PLEKHA8: variants seen among roughly 807,000 people sequenced by gnomAD.
PLEKHA8 encodes the protein pleckstrin homology domain containing A8, also known as pleckstrin homology domain-containing family A member 8.
A neutral mutation model predicts 68.2 loss-of-function variants in PLEKHA8; 36 were observed. The observed-to-expected ratio is 0.53, with a 90% CI of 0.40 to 0.70. The LOEUF is 0.70. Among genes scored for constraint, PLEKHA8 ranks in the 30% least tolerant of loss-of-function variants. The pLI, the probability that PLEKHA8 is intolerant of heterozygous loss-of-function variation, is 0.00. For missense variants in PLEKHA8, 505 were observed against 615.4 expected, an observed-to-expected ratio of 0.82 and a Z score of 1.90; for synonymous variants, 211 against 216.1, an observed-to-expected ratio of 0.98 and a Z score of 0.20.
chr7:30,128,065 A>G (rs1031221682), intron 13 of PLEKHA8, among the ~76,000 whole-genome samples: 1 of 150,878 alleles, frequency 6.6e-6, no homozygotes, highest in African/African-American at 2.4e-5. Context: ...GTCTCTTGTA[A>G]ACAGCATATA....
chr7:30,102,474 A>G (rs116506993), intron 13 of PLEKHA8, among the ~76,000 whole-genome samples: 1 of 152,372 alleles, frequency 6.6e-6, no homozygotes, highest in African/African-American at 2.4e-5. Flanking sequence ...TTGTATGCCA[A>G]TATCCATTGC....
intron 6 of PLEKHA8, among the ~76,000 whole-genome samples, chr7:30,051,528 G>A (rs972019440): frequency 1.3e-5 from 2 of 151,940 alleles, no homozygotes; most frequent in South Asian, 2.1e-4. Flanking sequence ...TAATCATAAT[G>A]ATAATATATT....
At chr7:30,115,058 T>C (rs553129935) in intron 13 of PLEKHA8, among the ~76,000 whole-genome samples, 2 of 152,330 alleles carry the variant, frequency 1.3e-5, no homozygotes, top group East Asian at 3.9e-4. Context: ...TAAGCCCAGC[T>C]GTGGCAGCAT....
At chr7:30,065,808 A>G (rs924442778) in intron 12 of PLEKHA8, among the ~76,000 whole-genome samples, 1 of 152,220 alleles carries the variant, frequency 6.6e-6, no homozygotes, top group African/African-American at 2.4e-5. Context: ...ACTGAGGTTT[A>G]AAGAGGATAA....
chr7:30,029,443 G>A (rs1790483706), intron 1 of PLEKHA8, among the ~76,000 whole-genome samples: 1 of 152,096 alleles, frequency 6.6e-6, no homozygotes, highest in Admixed American at 6.5e-5. Context: ...CTTTCTTGCC[G>A]TGCCTTACAG....
Position 30,083,602 on chromosome 7 carries a change from C to G in PLEKHA8, c.*4815C>G. 5.1e-6 allele frequency: 5 copies of G among 985,340 alleles called. No individual in the cohort carries two copies. The highest frequency in any genetic ancestry group is 3.6e-6 in the Non-Finnish European group (3 of 829,906). The allele number at this position is 985,340 out of a possible 1,614,324, so 61.0% of individuals were successfully genotyped here. A position where few individuals can be genotyped will look rare whatever the true frequency, so the allele number is the denominator to read the frequency against. Reference sequence around the variant, plus strand: ...TGGTACAGTTGATGCATGCATTGATCTTTCTTCTCTGCTGTTTTTATATAG... The same window carrying G: ...TGGTACAGTTGATGCATGCATTGATGTTTCTTCTCTGCTGTTTTTATATAG... On this transcript the variant is annotated 3_prime_UTR_variant, in exon 14 of 14. Transcript: ENST00000449726.
intron 1 of PLEKHA8, among the ~76,000 whole-genome samples, chr7:30,037,933 C>T (rs1791227025): frequency 6.6e-6 from 1 of 152,088 alleles, no homozygotes; most frequent in Admixed American, 6.6e-5. Flanking sequence ...TTTCCTGATC[C>T]TCTTCCTCCC....
intron 1 of PLEKHA8, among the ~76,000 whole-genome samples, chr7:30,039,931 A>G (rs988833675): frequency 3.9e-5 from 6 of 152,226 alleles, no homozygotes; most frequent in Admixed American, 2.0e-4. Flanking sequence ...TAGAAGTGGT[A>G]AAAGCAAACA....
intron 3 of PLEKHA8, 96 bp downstream of exon 3, chr7:30,046,461 C>G (rs896652149): frequency 3.6e-6 from 5 of 1,387,068 alleles, no homozygotes; most frequent in Admixed American, 2.7e-5. Flanking sequence ...GACCACCTAG[C>G]CAGCTTTTTG....
rs768572298 is a variant in PLEKHA8 at position 30,055,317 on chromosome 7, A to G, written c.1014A>G (p.Ser338=). Residue 338 remains serine, a synonymous_variant, in exon 9 of 14, where the codon TCA becomes TCG. Coordinates refer to ENST00000449726, the MANE Select transcript of PLEKHA8 (RefSeq NM_001197026.2). ...SGIPTEAFLA[S]CYAVVPVLDK... ...TTCCCACAGAAGCATTCTTGGCATC[A>G]TGTTATGCTGTGGTTCCAGTATTAG... 2.2e-5 allele frequency: 36 copies of G among 1,613,976 alleles called. 1 individual carries two copies. The South Asian group carries it at 3.8e-4, about 17-fold the overall frequency.
intron 13 of PLEKHA8, among the ~76,000 whole-genome samples, chr7:30,115,338 G>C (rs1211936844): frequency 6.6e-6 from 1 of 152,110 alleles, no homozygotes; most frequent in East Asian, 1.9e-4. Context: ...CCATAGAAGT[G>C]TTAGGAGGAA....
chr7:30,034,505 ATATGT>A (rs749936263), intron 1 of PLEKHA8, among the ~76,000 whole-genome samples: 4 of 152,322 alleles, frequency 2.6e-5, no homozygotes, highest in Non-Finnish European at 5.9e-5. Context: ...CAATTAACAC[ATATGT>A]TATGTCATAT....
intron 13 of PLEKHA8, among the ~76,000 whole-genome samples, chr7:30,114,116 C>T (rs1005549514): frequency 6.6e-6 from 1 of 152,122 alleles, no homozygotes; most frequent in African/African-American, 2.4e-5. Flanking sequence ...CCAGGCTGGT[C>T]TTGAACTCCT....
chr7:30,127,128 A>G (rs1184511409), intron 13 of PLEKHA8, among the ~76,000 whole-genome samples: 1 of 152,224 alleles, frequency 6.6e-6, no homozygotes, highest in Non-Finnish European at 1.5e-5. Context: ...TTGTACAACC[A>G]GGGCCTTACC....
chr7:30,044,291 C>A (rs563008747), intron 1 of PLEKHA8, among the ~76,000 whole-genome samples: 1 of 152,112 alleles, frequency 6.6e-6, no homozygotes, highest in South Asian at 2.1e-4. Flanking sequence ...AGGCGTGAGC[C>A]ACCACGCCTG....
intron 1 of PLEKHA8, among the ~76,000 whole-genome samples, chr7:30,036,987 C>A (rs990333626): frequency 6.6e-6 from 1 of 152,148 alleles, no homozygotes; most frequent in East Asian, 1.9e-4. Flanking sequence ...CTGTCCGCAT[C>A]CCTGTCTGGA....
intron 13 of PLEKHA8, among the ~76,000 whole-genome samples, chr7:30,102,855 C>T (rs762435571): frequency 6.6e-6 from 1 of 152,230 alleles, no homozygotes; most frequent in Non-Finnish European, 1.5e-5. Context: ...GAGTTCCAGA[C>T]CAGTCAGGGC....
chr7:30,116,303 TATAC>T (rs1289978735), intron 13 of PLEKHA8, among the ~76,000 whole-genome samples: 3 of 151,738 alleles, frequency 2.0e-5, no homozygotes, highest in Non-Finnish European at 4.4e-5. Context: ...TTCATACATG[TATAC>T]ATATATACAT....
rs574970846 is a variant in PLEKHA8 at position 30,028,481 on chromosome 7, G to A, written c.-282G>A. ...CTTTGGAGGCTTCGGCTGCCCCTCC[G>A]ACCCACGTAGGGCCCGGACCCGGGC... On this transcript the variant is annotated 5_prime_UTR_variant, in exon 1 of 14. Transcript: ENST00000449726. The A allele has an allele frequency of 5.9e-6, 2 of 341,808 alleles. No individual in the cohort carries two copies. Among genetic ancestry groups the A allele is most frequent in the South Asian group, 1.5e-4 (1 of 6,592 alleles). The allele number at this position is 341,808 out of a possible 1,614,324, so 21.2% of individuals were successfully genotyped here.
Sources: allele counts gnomAD v4.1 joint callset (sites outside exome capture counted in the v4.1 genomes callset), GRCh38; gene constraint gnomAD v4.1.1; transcripts MANE v1.5; gene names NCBI Gene and HGNC (gene_info 2026-07-23, HGNC 2026-07-21).